The following MAP3K2 variants were observed in gnomAD, a reference collection of about 807,000 sequenced individuals.
MAP3K2 encodes the protein mitogen-activated protein kinase kinase kinase 2.
MAP3K2 carries 24 observed loss-of-function variants against 80.3 expected under a neutral mutation model. The ratio of observed to expected loss-of-function variants is 0.30; its 90% CI spans 0.22 to 0.42. The LOEUF is 0.42. Ranked by LOEUF, MAP3K2 falls within the 10% of genes least tolerant of loss-of-function variation. The probability of loss-of-function intolerance (pLI) is 1.00; values close to 1 mark genes in which losing one functional copy is unlikely to be tolerated. For synonymous variants in MAP3K2, 244 were observed against 253.7 expected, an observed-to-expected ratio of 0.96 and a Z score of 0.36; for missense variants, 608 against 750.1, an observed-to-expected ratio of 0.81 and a Z score of 2.21.
chr2:127,333,187 A>G (rs2104835779), intron 5 of MAP3K2, among the ~76,000 whole-genome samples: 1 of 151,610 alleles, frequency 6.6e-6, no homozygotes, highest in East Asian at 1.9e-4. Context: ...GTGATCTTAG[A>G]AAATCCTTAC....
At chr2:127,340,561 G>A (rs1300579573) in intron 2 of MAP3K2, among the ~76,000 whole-genome samples, 1 of 151,978 alleles carries the variant, frequency 6.6e-6, no homozygotes, top group African/African-American at 2.4e-5. Flanking sequence ...GGAGGCTAAG[G>A]CAGGAGAATC....
Position 127,322,468 on chromosome 2 carries a change from T to C in MAP3K2, c.839-216A>G, listed in dbSNP as rs964067437. On this transcript the variant is annotated intron_variant, in intron 11 of 16. Coordinates refer to ENST00000682094, the MANE Select transcript of MAP3K2 (RefSeq NM_001371910.2). This position sits in a 1 kb window ranked among gnomAD's most constrained non-coding sequence, Gnocchi z 4.2. ...ATGTATGAGTGTGCACACAGAAACA[T>C]ACACACACACATCTTAAAAAGGAAC... 2.0e-5 allele frequency among the ~76,000 whole-genome samples: 3 copies of C among 151,964 alleles called. No individual in the cohort carries two copies. Among genetic ancestry groups the C allele is most frequent in the Non-Finnish European group, 4.4e-5 (3 of 68,004 alleles).
At chr2:127,338,737 T>C (rs9808452) in intron 3 of MAP3K2, among the ~76,000 whole-genome samples, 195 bp downstream of exon 3, 13,652 of 152,212 alleles carry the variant, frequency 0.09, 792 homozygotes, top group African/African-American at 0.17. Context: ...CTACCACTGA[T>C]GGACACTGAA....
chr2:127,341,241 G>A (rs1023213995), intron 2 of MAP3K2, among the ~76,000 whole-genome samples: 9 of 151,704 alleles, frequency 5.9e-5, no homozygotes, highest in Admixed American at 3.9e-4. Context: ...CGCCTGCCTC[G>A]ACCTCCCAAA....
chr2:127,309,209 C>T (rs1685763018), intron 15 of MAP3K2, among the ~76,000 whole-genome samples: 1 of 152,094 alleles, frequency 6.6e-6, no homozygotes, highest in Admixed American at 6.5e-5. Flanking sequence ...AAGCATTTTC[C>T]CCCTCTATTA....
Position 127,387,651 on chromosome 2 carries a change from G to A in MAP3K2, c.-265C>T, listed in dbSNP as rs1216520714. The A allele has an allele frequency of 4.1e-6, 4 of 985,018 alleles. No individual in the cohort carries two copies. Among genetic ancestry groups the A allele is most frequent in the Non-Finnish European group, 4.8e-6 (4 of 829,838 alleles). The allele number at this position is 985,018 out of a possible 1,614,324, so 61.0% of individuals were successfully genotyped here. ...CCCGTCCCTCTTTCACATGAAGCCCGGGCCGGGCGGGGTGGCGGGCGCGTG... is the reference window on the plus strand; with the variant it reads ...CCCGTCCCTCTTTCACATGAAGCCCAGGCCGGGCGGGGTGGCGGGCGCGTG... On this transcript the variant is annotated 5_prime_UTR_variant, in exon 1 of 17. Transcript: ENST00000682094.
chr2:127,303,662 T>TTAA lies in MAP3K2; in HGVS notation c.*3914_*3916dup. The TTAA allele has an allele frequency of 6.6e-6, 1 of 152,308 alleles. No homozygotes were observed. Among genetic ancestry groups the TTAA allele is most frequent in the East Asian group, 1.9e-4 (1 of 5,194 alleles). 9.4% of individuals were successfully genotyped at this position (152,308 alleles called of 1,614,324 possible). On this transcript the variant is annotated 3_prime_UTR_variant, in exon 17 of 17. Coordinates refer to ENST00000682094, the MANE Select transcript of MAP3K2 (RefSeq NM_001371910.2). ...ATGTTCCTCCTAGATTGTGACCTCC[T>TTAA]TAAGGATGTTAATTTAGTACCTGAC...
intron 1 of MAP3K2, among the ~76,000 whole-genome samples, chr2:127,376,854 C>T (rs979723061): frequency 6.6e-6 from 1 of 152,038 alleles, no homozygotes; most frequent in African/African-American, 2.4e-5. Context: ...TCGCTTGAGC[C>T]CAGGTGTTCA....
At chr2:127,335,364 G>A (rs1189929554) in intron 5 of MAP3K2, among the ~76,000 whole-genome samples, 1 of 152,118 alleles carries the variant, frequency 6.6e-6, no homozygotes, top group African/African-American at 2.4e-5. Flanking sequence ...CCAATCCTAA[G>A]TTTACAGAAC....
intron 1 of MAP3K2, among the ~76,000 whole-genome samples, chr2:127,371,309 C>T (rs374952163): frequency 1.3e-5 from 2 of 152,168 alleles, no homozygotes; most frequent in African/African-American, 4.8e-5. Flanking sequence ...TGCTATGCTC[C>T]AGGGGAGGCG....
At chr2:127,388,184 G>C, upstream of MAP3K2, 1 of 984,510 alleles carries the variant, frequency 1.0e-6, no homozygotes, top group Non-Finnish European at 1.2e-6. Context: ...CCCCGGCCTC[G>C]GCCCCGCCCC....
intron 1 of MAP3K2, among the ~76,000 whole-genome samples, chr2:127,366,570 G>A (rs1163254753): frequency 6.6e-6 from 1 of 152,076 alleles, no homozygotes; most frequent in East Asian, 1.9e-4. Flanking sequence ...AAGTAAGGAA[G>A]CTTCACTTTT....
intron 1 of MAP3K2, among the ~76,000 whole-genome samples, chr2:127,369,240 G>A (rs957619933): frequency 7.4e-5 from 11 of 149,414 alleles, no homozygotes; most frequent in South Asian, 4.4e-4. Flanking sequence ...ATGAGCCACC[G>A]TGCTCGGCCA....
Position 127,302,500 on chromosome 2 carries a change from CACTTCACAGAAAAGTA to C in MAP3K2, c.*5063_*5078del, listed in dbSNP as rs1342611160. 1 of 152,044 alleles carries C rather than the reference CACTTCACAGAAAAGTA, an allele frequency of 6.6e-6. No homozygotes were observed. Among genetic ancestry groups the C allele is most frequent in the Non-Finnish European group, 1.5e-5 (1 of 67,990 alleles). 9.4% of individuals were successfully genotyped at this position (152,044 alleles called of 1,614,324 possible). The stretch of plus-strand genomic sequence containing the variant: ...GCACACATACATGCACACATGCACA[CACTTCACAGAAAAGTA>C]ACTTTTCTGTGAGTATTACCCAAAA... On this transcript the variant is annotated 3_prime_UTR_variant, in exon 17 of 17. Transcript: ENST00000682094.
At chr2:127,372,658 G>C (rs962390096) in intron 1 of MAP3K2, among the ~76,000 whole-genome samples, 2 of 152,070 alleles carry the variant, frequency 1.3e-5, no homozygotes, top group Admixed American at 6.6e-5. Context: ...TAGCCCAATG[G>C]GGGGGTCACT....
At chr2:127,320,021 G>A (rs1685985708) in intron 12 of MAP3K2, among the ~76,000 whole-genome samples, 1 of 152,038 alleles carries the variant, frequency 6.6e-6, no homozygotes, top group Admixed American at 6.6e-5. Context: ...CACAGTAACG[G>A]CCTAGCAGAA....
chr2:127,348,671 G>A (rs1297721300), intron 1 of MAP3K2, among the ~76,000 whole-genome samples: 2 of 152,152 alleles, frequency 1.3e-5, no homozygotes, highest in Non-Finnish European at 2.9e-5. Flanking sequence ...AGTGGTGATG[G>A]TTGCACAACT....
Position 127,301,259 on chromosome 2 carries a change from A to T in MAP3K2, c.*6320T>A, listed in dbSNP as rs927826000. 3 of 152,250 alleles carry T rather than the reference A, an allele frequency of 2.0e-5. No homozygotes were observed. Among genetic ancestry groups the T allele is most frequent in the African/African-American group, 7.2e-5 (3 of 41,464 alleles). The allele number at this position is 152,250 out of a possible 1,614,324, so 9.4% of individuals were successfully genotyped here. A position where few individuals can be genotyped will look rare whatever the true frequency, so the allele number is the denominator to read the frequency against. On this transcript the variant is annotated 3_prime_UTR_variant, in exon 17 of 17. Transcript: ENST00000682094. ...CAAACATAAGTTCATAAATGTTAAG[A>T]CACTAGGAAGAAAGTTCGCCATCAA...
In MAP3K2 at chr2:127,363,023, A is replaced by G. The variant is rs533256783; in HGVS notation, c.-65-19829T>C. 8.5e-5 allele frequency among the ~76,000 whole-genome samples: 13 copies of G among 152,338 alleles called. No homozygotes were observed. In the South Asian group the frequency reaches 1.2e-3, roughly 15 times the overall value. On this transcript the variant is annotated intron_variant, in intron 1 of 16. Transcript: ENST00000682094. ...AAAACACAAAAAATGCCGTGTAACA[A>G]TAATTTACACAGCACTTACACTGTG...
Sources: allele counts gnomAD v4.1 joint callset (sites outside exome capture counted in the v4.1 genomes callset), GRCh38; gene constraint gnomAD v4.1.1; non-coding constraint Gnocchi (gnomAD v3.1); transcripts MANE v1.5; gene names NCBI Gene and HGNC (gene_info 2026-07-23, HGNC 2026-07-21).